Variants in STK3 observed in about 807,000 individuals in gnomAD.
STK3 encodes the protein serine/threonine kinase 3.
A neutral mutation model predicts 58.0 loss-of-function variants in STK3; 41 were observed. The observed-to-expected ratio is 0.71, with a 90% CI of 0.55 to 0.92. The LOEUF is 0.92. Among genes scored for constraint, STK3 ranks in the 40% least tolerant of loss-of-function variants. STK3 has a pLI of 0.00. For missense variants in STK3, 479 were observed against 602.7 expected, an observed-to-expected ratio of 0.79 and a Z score of 2.15; for synonymous variants, 170 against 191.0, an observed-to-expected ratio of 0.89 and a Z score of 0.91.
intron 3 of STK3, among the ~76,000 whole-genome samples, chr8:98,753,923 A>C (rs1235378414): frequency 6.6e-6 from 1 of 152,164 alleles, no homozygotes; most frequent in East Asian, 1.9e-4. Context: ...ACAGTTGACA[A>C]GGTACCTTAC....
chr8:98,722,886 G>A (rs149444105), intron 4 of STK3: 2 of 508,272 alleles, frequency 3.9e-6, no homozygotes, highest in South Asian at 2.9e-5. Context: ...GGTAATGTAA[G>A]AATTCAGCTC....
intron 10 of STK3, among the ~76,000 whole-genome samples, chr8:98,460,829 G>T (rs1475735823): frequency 1.3e-5 from 2 of 152,162 alleles, no homozygotes; most frequent in Admixed American, 6.5e-5. Flanking sequence ...ATGATTATAA[G>T]TTTCCTGAGG....
chr8:98,430,448 G>T (rs1377186009), intron 3 of STK3: 1 of 167,212 alleles, frequency 6.0e-6, no homozygotes, highest in East Asian at 1.9e-4. Flanking sequence ...AACGTTGTTG[G>T]GTTGCTAGCA....
chr8:98,713,267 C>G (rs1055391670), intron 4 of STK3, among the ~76,000 whole-genome samples: 20 of 151,864 alleles, frequency 1.3e-4, no homozygotes, highest in Non-Finnish European at 2.4e-4. Context: ...TAGCAGAAGG[C>G]AAGAAATAAC....
chr8:98,483,604 G>A (rs1328757495), intron 10 of STK3, among the ~76,000 whole-genome samples: 1 of 152,138 alleles, frequency 6.6e-6, no homozygotes, highest in Non-Finnish European at 1.5e-5. Flanking sequence ...GCCAAATGCT[G>A]CAGGAAATTG....
At chr8:98,909,165 A>T (rs1011749500) in intron 1 of STK3, among the ~76,000 whole-genome samples, 2 of 152,236 alleles carry the variant, frequency 1.3e-5, no homozygotes, top group African/African-American at 4.8e-5. Context: ...TGTCTCAAAC[A>T]AAAACAAAAA....
chr8:98,649,930 C>G lies in STK3; in HGVS notation c.685-53761G>C, dbSNP rs182487031. Reference sequence around the variant, plus strand: ...CAATTAGATTTTTACGAATTTCTTCCTACAGAAGTGTACTTCTTTTGTTAA... The same window carrying G: ...CAATTAGATTTTTACGAATTTCTTCGTACAGAAGTGTACTTCTTTTGTTAA... On this transcript the variant is annotated intron_variant, in intron 6 of 10. Transcript: ENST00000419617. 2.3e-3 allele frequency among the ~76,000 whole-genome samples: 357 copies of G among 152,210 alleles called. 2 individuals are homozygous for G. Among genetic ancestry groups the G allele is most frequent in the African/African-American group, 8.1e-3 (336 of 41,526 alleles).
At chr8:98,379,172 A>AT (rs1817705537) in exon 2 of STK3, 1 of 152,222 alleles carries the variant, frequency 6.6e-6, no homozygotes, top group Non-Finnish European at 1.5e-5. Flanking sequence ...CTCCAGAATC[A>AT]TTAAAGGCTC....
At chr8:98,406,207 C>G (rs1255755199) in intron 3 of STK3, among the ~76,000 whole-genome samples, 2 of 151,878 alleles carry the variant, frequency 1.3e-5, no homozygotes, top group African/African-American at 2.4e-5. Flanking sequence ...TATAGGCTTA[C>G]TTATCTTCCC....
At chr8:98,938,405 G>C (rs1389841511) in intron 1 of STK3, among the ~76,000 whole-genome samples, 1 of 152,232 alleles carries the variant, frequency 6.6e-6, no homozygotes, top group East Asian at 1.9e-4. Flanking sequence ...GAAAGTGCCA[G>C]TGTCATTCAG....
intron 6 of STK3, among the ~76,000 whole-genome samples, chr8:98,701,648 C>A (rs943455333): frequency 4.1e-4 from 62 of 150,434 alleles, no homozygotes; most frequent in African/African-American, 9.0e-4. Flanking sequence ...ATATATATAT[C>A]TATACACACA....
chr8:98,788,462 C>CAAAAA (rs371210857), intron 1 of STK3, among the ~76,000 whole-genome samples: 8 of 142,966 alleles, frequency 5.6e-5, no homozygotes, highest in African/African-American at 1.5e-4. Context: ...AACAAACAAA[C>CAAAAA]AAAAAAAAAA....
chr8:98,438,924 TGGAAG>T (rs1818594532), intron 1 of STK3: 1 of 152,302 alleles, frequency 6.6e-6, no homozygotes, highest in Non-Finnish European at 1.5e-5. Context: ...GGGGGTGGAA[TGGAAG>T]GGGACAGCCT....
chr8:98,870,405 C>G, intron 3 of STK3, among the ~76,000 whole-genome samples: 1 of 152,156 alleles, frequency 6.6e-6, no homozygotes, highest in East Asian at 1.9e-4. Flanking sequence ...CTACATCCTT[C>G]AGAAATCGCC....
chr8:98,706,833 CT>C (rs1294711099), intron 5 of STK3, among the ~76,000 whole-genome samples, 199 bp from the exon 6 acceptor site: 78 of 152,306 alleles, frequency 5.1e-4, no homozygotes, highest in African/African-American at 1.7e-3. Flanking sequence ...CCACAGGTAA[CT>C]TATCCACACT....
At chr8:98,737,536 AGTAACAACG>A (rs765119302) in intron 4 of STK3, among the ~76,000 whole-genome samples, 11 of 152,216 alleles carry the variant, frequency 7.2e-5, no homozygotes, top group Non-Finnish European at 1.3e-4. Flanking sequence ...GGGTCAGAGG[AGTAACAACG>A]GTAAAAACTG....
At chr8:98,619,205 G>C (rs1275384067) in intron 6 of STK3, among the ~76,000 whole-genome samples, 3 of 150,370 alleles carry the variant, frequency 2.0e-5, no homozygotes, top group African/African-American at 7.4e-5. Context: ...AGAAAAACAA[G>C]CAATGGGGAA....
Position 98,912,498 on chromosome 8 carries a change from G to A in STK3, c.-78-28664C>T, listed in dbSNP as rs138622741. Among the ~76,000 whole-genome samples the A allele has an allele frequency of 1.6e-4, 25 of 152,180 alleles. No individual in the cohort carries two copies. In the East Asian group the frequency reaches 4.1e-3, roughly 25 times the overall value. On this transcript the variant is annotated intron_variant, in intron 1 of 1. Coordinates refer to the STK3 transcript ENST00000519420. ...ACTTACATTTTGCCCCAAATTAAAC[G>A]TGTCTGCTTGGTCACAGGAAGAGTT...
At chr8:98,386,224 T>C (rs188984201) in intron 1 of STK3, among the ~76,000 whole-genome samples, 2 of 152,284 alleles carry the variant, frequency 1.3e-5, no homozygotes, top group Admixed American at 6.5e-5. Context: ...CAAGAATCTA[T>C]ACCAAAGAAA....
Sources: allele counts gnomAD v4.1 joint callset (sites outside exome capture counted in the v4.1 genomes callset), GRCh38; gene constraint gnomAD v4.1.1; transcripts MANE v1.5; gene names NCBI Gene and HGNC (gene_info 2026-07-23, HGNC 2026-07-21).